PRRC2B: variants seen among roughly 807,000 people sequenced by gnomAD.
PRRC2B encodes proline rich coiled-coil 2B.
Under a neutral mutation model 242.3 loss-of-function variants are expected in PRRC2B, and 68 were observed. The observed-to-expected ratio is 0.28, with a 90% CI of 0.23 to 0.34. PRRC2B has a LOEUF of 0.34. Ranked by LOEUF, PRRC2B falls within the 10% of genes least tolerant of loss-of-function variation. The probability of loss-of-function intolerance (pLI) is 1.00; values close to 1 mark genes in which losing one functional copy is unlikely to be tolerated. For synonymous variants in PRRC2B, 1,228 were observed against 1,173.6 expected, an observed-to-expected ratio of 1.05 and a Z score of -0.95; for missense variants, 2,835 against 2,954.8, an observed-to-expected ratio of 0.96 and a Z score of 0.94.
chr9:131,400,966 T>TC (rs919066453), intron 1 of PRRC2B, among the ~76,000 whole-genome samples: 2 of 150,074 alleles, frequency 1.3e-5, no homozygotes, highest in African/African-American at 4.9e-5. Flanking sequence ...TTTCTTTCTT[T>TC]TTTTTTTTTT....
chr9:131,398,422 A>T (rs1488101961), intron 1 of PRRC2B, among the ~76,000 whole-genome samples: 4 of 152,234 alleles, frequency 2.6e-5, no homozygotes. Flanking sequence ...TGCGTGCAGC[A>T]GGAGTAGCTG....
chr9:131,425,614 A>C (rs1250571201), intron 1 of PRRC2B, among the ~76,000 whole-genome samples: 1 of 151,464 alleles, frequency 6.6e-6, no homozygotes, highest in East Asian at 2.0e-4. Context: ...CAGTCCCCCA[A>C]GTAGCTGAGA....
intron 5 of PRRC2B, among the ~76,000 whole-genome samples, chr9:131,440,831 G>T (rs1412395806): frequency 1.9e-5 from 1 of 52,002 alleles, no homozygotes; most frequent in Non-Finnish European, 3.9e-5. Context: ...GGGGGTGAGG[G>T]CTGGACACCT....
chr9:131,476,851 G>A (rs1429031750), intron 16 of PRRC2B, among the ~76,000 whole-genome samples: 6 of 152,106 alleles, frequency 3.9e-5, no homozygotes, highest in Admixed American at 2.6e-4. Context: ...CGTTGCCTGT[G>A]CACAGTGCCA....
At chr9:131,477,698 C>G in intron 16 of PRRC2B, 46 bp from the exon 17 acceptor site, 1 of 1,252,082 alleles carries the variant, frequency 8.0e-7, no homozygotes, top group Non-Finnish European at 1.1e-6. Flanking sequence ...GCGGTGTTTT[C>G]CCTCCTTCCC....
intron 9 of PRRC2B, among the ~76,000 whole-genome samples, chr9:131,452,301 C>T (rs145993473): frequency 5.7e-4 from 87 of 152,258 alleles, no homozygotes; most frequent in Non-Finnish European, 1.1e-3. Context: ...AGGTTTGGGC[C>T]ACTGTGCCTG....
At position 131,447,200 on chromosome 9, in the gene PRRC2B, A is replaced by G; in HGVS notation, c.971A>G (p.Gln324Arg). The G allele has an allele frequency of 6.2e-7, 1 of 1,613,998 alleles. No homozygotes were observed. Among genetic ancestry groups the G allele is most frequent in the South Asian group, 1.1e-5 (1 of 91,076 alleles). Residue 324 changes from glutamine to arginine, a missense_variant, in exon 8 of 32, where the codon CAA becomes CGA. Gln to Arg is a conservative substitution (Grantham distance 43, BLOSUM62 1). This residue lies in a region of PRRC2B where 626 missense variants were observed against 685.5 expected (regional missense o/e 0.91). Transcript: ENST00000683519. ...TTTAGACAGTTCCAGATGAATGACC[A>G]AGACGGGTGAGTCCATTGCATTACA... ...VPFRQFQMND[Q>R]DGKENRLGLS... is the part of the protein sequence containing the mutation.
Position 131,432,648 on chromosome 9 carries a change from G to A in PRRC2B, c.147G>A (p.Gly49=), listed in dbSNP as rs747067082. 15 of 1,610,522 alleles carry A rather than the reference G, an allele frequency of 9.3e-6. No individual in the cohort carries two copies. The South Asian group carries it at 9.9e-5, about 11-fold the overall frequency. Reference sequence around the variant, plus strand: ...CTAGACATGGCTTACAGAGTCTTGGGAAAGTTGCTGCAGCCCGGCGCATGC... The same window carrying A: ...CTAGACATGGCTTACAGAGTCTTGGAAAAGTTGCTGCAGCCCGGCGCATGC... ...VIPRHGLQSL[G]KVAAARRMPP... is the part of the protein sequence containing the mutation. Residue 49 remains glycine, a synonymous_variant, in exon 3 of 32, where the codon GGG becomes GGA. Coordinates refer to ENST00000683519, the MANE Select transcript of PRRC2B (RefSeq NM_013318.4).
In PRRC2B at chr9:131,422,023, C is replaced by T. The variant is rs894676320; in HGVS notation, c.-51-8071C>T. ...CTCGGCAGCCTTGTGACCTTGGGTG[C>T]GTTACTTTTCTTTTCTTTCTTTCTT... On this transcript the variant is annotated intron_variant, in intron 1 of 31. Coordinates refer to ENST00000683519, the MANE Select transcript of PRRC2B (RefSeq NM_013318.4). 7.9e-5 allele frequency among the ~76,000 whole-genome samples: 12 copies of T among 152,038 alleles called. No individual in the cohort carries two copies. In the East Asian group the frequency reaches 9.6e-4, roughly 12 times the overall value.
intron 1 of PRRC2B, among the ~76,000 whole-genome samples, chr9:131,418,165 A>G (rs1564277999): frequency 6.6e-6 from 1 of 152,268 alleles, no homozygotes; most frequent in African/African-American, 2.4e-5. Flanking sequence ...GCATTGCATC[A>G]GGGTGCTGGT....
At chr9:131,431,011 C>T (rs551043838) in intron 2 of PRRC2B, among the ~76,000 whole-genome samples, 1 of 150,646 alleles carries the variant, frequency 6.6e-6, no homozygotes, top group Admixed American at 6.6e-5. Flanking sequence ...AGTGCAATGG[C>T]GTGATCTCAG....
intron 5 of PRRC2B, among the ~76,000 whole-genome samples, chr9:131,441,157 T>C (rs1838557303): frequency 6.6e-6 from 1 of 152,150 alleles, no homozygotes; most frequent in South Asian, 2.1e-4. Context: ...AAAAATGTTG[T>C]ATATGCATGT....
In PRRC2B at chr9:131,410,352, C is replaced by T. The variant is rs146829185; in HGVS notation, c.-52+16089C>T. On this transcript the variant is annotated intron_variant, in intron 1 of 31. Transcript: ENST00000683519. ...TAGAGTAAAGATAACAGTGCCAGCGCCAGTTCACACCCCACCGCAGGCCAG... is the reference window on the plus strand; with the variant it reads ...TAGAGTAAAGATAACAGTGCCAGCGTCAGTTCACACCCCACCGCAGGCCAG... Among the ~76,000 whole-genome samples, 431 of 152,322 alleles carry T rather than the reference C, an allele frequency of 2.8e-3. 2 individuals are homozygous for T. The highest frequency in any genetic ancestry group is 7.0e-3 in the African/African-American group (293 of 41,574).
rs757120744 is a variant in PRRC2B, at chr9:131,482,690, C to T, written c.5176-20C>T. ...GTCATTCCAGTCTGTGTGTCTCCAC[C>T]TCTCTGCTTTTTTATCAAGGATTCA... On this transcript the variant is annotated intron_variant, in intron 21 of 31. Coordinates refer to ENST00000683519, the MANE Select transcript of PRRC2B (RefSeq NM_013318.4). This position sits in a 1 kb window ranked among gnomAD's most constrained non-coding sequence, Gnocchi z 5.2. 6.5e-7 allele frequency: 1 copy of T among 1,546,240 alleles called. No homozygotes were observed. The highest frequency in any genetic ancestry group is 8.7e-7 in the Non-Finnish European group (1 of 1,147,886).
chr9:131,459,137 C>T (rs1943167962), intron 10 of PRRC2B, 27 bp from the exon 11 acceptor site: 1 of 1,603,540 alleles, frequency 6.2e-7, no homozygotes, highest in African/African-American at 1.3e-5. Flanking sequence ...AGTGCAAAAA[C>T]TTAACATCAA....
chr9:131,447,231 G>C lies in PRRC2B; in HGVS notation c.977+25G>C, dbSNP rs116181431. The C allele has an allele frequency of 7.0e-4, 1,133 of 1,613,706 alleles. 5 individuals are homozygous for C. In the African/African-American group the frequency reaches 0.014, roughly 19 times the overall value. ...GGTGAGTCCATTGCATTACAGTCAC[G>C]TGTGTAGAGATGAGTGCGGTGGTGA... is the stretch of plus-strand genomic sequence containing the variant. On this transcript the variant is annotated intron_variant, in intron 8 of 31. Transcript: ENST00000683519.
intron 5 of PRRC2B, among the ~76,000 whole-genome samples, 170 bp downstream of exon 5, chr9:131,439,231 A>G (rs969514544): frequency 3.9e-5 from 6 of 152,158 alleles, no homozygotes; most frequent in East Asian, 1.9e-4. Flanking sequence ...CTGACTCTGT[A>G]GAGGTGCCAG....
At chr9:131,478,758 A>G in intron 18 of PRRC2B, 139 bp downstream of exon 18, 1 of 626,772 alleles carries the variant, frequency 1.6e-6, no homozygotes, top group East Asian at 2.8e-5. Flanking sequence ...TAGCAAGCAC[A>G]CATTGTCTCC....
chr9:131,418,690 G>C (rs993503670), intron 1 of PRRC2B, among the ~76,000 whole-genome samples: 1 of 152,220 alleles, frequency 6.6e-6, no homozygotes, highest in Non-Finnish European at 1.5e-5. Flanking sequence ...GCTGCAGCTG[G>C]CTGGGACGTG....
Sources: allele counts gnomAD v4.1 joint callset (sites outside exome capture counted in the v4.1 genomes callset), GRCh38; gene constraint gnomAD v4.1.1; regional missense constraint gnomAD v4.1.1; non-coding constraint Gnocchi (gnomAD v3.1); transcripts MANE v1.5; gene names NCBI Gene and HGNC (gene_info 2026-07-23, HGNC 2026-07-21).